Variants in LYG1 observed in about 807,000 individuals in gnomAD.
The protein encoded by LYG1 is lysozyme g-like protein 1.
LYG1 carries 17 observed loss-of-function variants against 21.7 expected under a neutral mutation model. The ratio of observed to expected loss-of-function variants is 0.78; its 90% CI spans 0.54 to 1.18. The LOEUF (loss-of-function observed/expected upper bound fraction) is 1.18, where lower values mean the gene tolerates loss of function less well. LYG1 is among the 50% of genes most tolerant of loss of function. The pLI, the probability that LYG1 is intolerant of heterozygous loss-of-function variation, is 0.00. For synonymous variants in LYG1, 81 were observed against 87.4 expected (o/e 0.93, Z 0.41); for missense variants, 211 against 238.1 (o/e 0.89, Z 0.75).
At chr2:99,286,408 T>G (rs955493688) in intron 5 of LYG1, among the ~76,000 whole-genome samples, 19 of 152,036 alleles carry the variant, frequency 1.2e-4, no homozygotes, top group African/African-American at 4.6e-4. Context: ...AAAATTAAAA[T>G]TAGAACTACC....
At chr2:99,288,972 C>T (rs2094110553) in intron 5 of LYG1, among the ~76,000 whole-genome samples, 1 of 152,156 alleles carries the variant, frequency 6.6e-6, no homozygotes, top group African/African-American at 2.4e-5. Context: ...ATTGACCAAA[C>T]CTATACCCTG....
At chr2:99,299,298 T>TTTA (rs2094147081) in intron 1 of LYG1, among the ~76,000 whole-genome samples, 1 of 150,626 alleles carries the variant, frequency 6.6e-6, no homozygotes, top group Non-Finnish European at 1.5e-5. Flanking sequence ...TTTTTTTTTT[T>TTTA]TTAATCGAGA....
chr2:99,287,091 GT>G (rs2094102449), intron 5 of LYG1, among the ~76,000 whole-genome samples: 1 of 152,210 alleles, frequency 6.6e-6, no homozygotes, highest in African/African-American at 2.4e-5. Flanking sequence ...TAGAATGATG[GT>G]TGCCAGGGGC....
chr2:99,292,522 A>C lies in LYG1; in HGVS notation c.148+14T>G. 1.3e-6 allele frequency: 2 copies of C among 1,596,794 alleles called. No homozygotes were observed. The highest frequency in any genetic ancestry group is 1.7e-6 in the Non-Finnish European group (2 of 1,164,298). ...GCCGGGGGATAGGTTGAGAGGGCGA[A>C]AGCTCATAGCTACCACAGTAGTTCA... On this transcript the variant is annotated intron_variant, in intron 4 of 6. Transcript: ENST00000308528.
intron 5 of LYG1, among the ~76,000 whole-genome samples, chr2:99,290,261 C>A (rs908504266): frequency 6.6e-6 from 1 of 152,138 alleles, no homozygotes; most frequent in Non-Finnish European, 1.5e-5. Flanking sequence ...AGAAATGATG[C>A]CAGCCCTAAC....
chr2:99,297,318 G>C (rs187681714), intron 2 of LYG1, among the ~76,000 whole-genome samples: 6 of 152,292 alleles, frequency 3.9e-5, no homozygotes, highest in Admixed American at 3.9e-4. Context: ...AGAAAAGAAT[G>C]GACAAAGAGC....
chr2:99,295,470 C>G (rs2094133665), intron 3 of LYG1, among the ~76,000 whole-genome samples, 158 bp downstream of exon 3: 1 of 152,146 alleles, frequency 6.6e-6, no homozygotes, highest in Admixed American at 6.6e-5. Flanking sequence ...TGGGGAGAGG[C>G]TGATTGTTGG....
intron 3 of LYG1, among the ~76,000 whole-genome samples, chr2:99,294,793 G>C (rs2094131581): frequency 6.6e-6 from 1 of 152,134 alleles, no homozygotes; most frequent in South Asian, 2.1e-4. Context: ...TTCTCCTGAG[G>C]AACTTTGCTT....
At chr2:99,288,114 GTAA>G (rs1401451553) in intron 5 of LYG1, among the ~76,000 whole-genome samples, 1 of 152,034 alleles carries the variant, frequency 6.6e-6, no homozygotes, top group Non-Finnish European at 1.5e-5. Flanking sequence ...TATTATTATA[GTAA>G]TAATAATTTA....
upstream of LYG1, among the ~76,000 whole-genome samples, chr2:99,303,988 A>G (rs11892472): frequency 0.37 from 56,361 of 152,030 alleles, 11,199 homozygotes; most frequent in East Asian, 0.63. Flanking sequence ...TGGCTAACAC[A>G]GTGAAACCCC....
chr2:99,300,076 A>G (rs1290013395), intron 1 of LYG1, among the ~76,000 whole-genome samples: 1 of 132,172 alleles, frequency 7.6e-6, no homozygotes, highest in African/African-American at 2.6e-5. Flanking sequence ...TTCTGCCACT[A>G]AGATCTTTTT....
chr2:99,301,365 T>C (rs2094153332), upstream of LYG1, among the ~76,000 whole-genome samples: 1 of 148,626 alleles, frequency 6.7e-6, no homozygotes, highest in Admixed American at 6.9e-5. Context: ...TTTCTGGGAA[T>C]GTGGGTTAGG....
At chr2:99,303,850 A>G (rs979967155), upstream of LYG1, among the ~76,000 whole-genome samples, 1 of 151,284 alleles carries the variant, frequency 6.6e-6, no homozygotes, top group Non-Finnish European at 1.5e-5. Context: ...GGTAGTGAAT[A>G]AGTCTCAAGA....
intron 5 of LYG1, among the ~76,000 whole-genome samples, chr2:99,289,427 G>A (rs2094112100): frequency 6.7e-6 from 1 of 148,900 alleles, no homozygotes; most frequent in African/African-American, 2.5e-5. Flanking sequence ...CTATACTCCA[G>A]CCTGGGTGAC....
intron 5 of LYG1, among the ~76,000 whole-genome samples, chr2:99,285,793 C>T (rs565135525): frequency 7.9e-5 from 12 of 152,264 alleles, no homozygotes; most frequent in South Asian, 6.2e-4. Flanking sequence ...TTCTTCTGTG[C>T]GGCAAAGTCA....
At chr2:99,285,297 A>G (rs904304533) in intron 5 of LYG1, among the ~76,000 whole-genome samples, 2 of 151,978 alleles carry the variant, frequency 1.3e-5, no homozygotes, top group African/African-American at 2.4e-5. Context: ...AAGAGGATCA[A>G]TTGAGCCTGG....
chr2:99,291,318 G>A lies in LYG1; in HGVS notation c.252C>T (p.Ala84=), dbSNP rs751042847. 5.0e-6 allele frequency: 8 copies of A among 1,613,502 alleles called. No homozygotes were observed. Among genetic ancestry groups the A allele is most frequent in the South Asian group, 4.4e-5 (4 of 91,064 alleles). Residue 84 remains alanine, a synonymous_variant, in exon 5 of 7, where the codon GCC becomes GCT. Transcript: ENST00000308528. ...TIGQKYCMDP[A]VIAGVLSRKS... ...TCCTGGACAAGACACCAGCGATCAC[G>A]GCAGGATCCATGCAGTACTTTTGGC... is the stretch of plus-strand genomic sequence containing the variant.
intron 2 of LYG1, among the ~76,000 whole-genome samples, chr2:99,298,166 T>A (rs2094142501): frequency 6.6e-6 from 1 of 152,128 alleles, no homozygotes; most frequent in Non-Finnish European, 1.5e-5. Flanking sequence ...GCTCAAAGAG[T>A]GTCTGTCAGT....
upstream of LYG1, chr2:99,304,605 T>G (rs780381778): frequency 6.6e-6 from 1 of 152,324 alleles, no homozygotes; most frequent in Non-Finnish European, 1.5e-5. Flanking sequence ...AGGATGGTAC[T>G]AAGTCTGGAA....
Sources: gnomAD v4.1 joint callset for allele counts (sites outside exome capture counted in the v4.1 genomes callset) on GRCh38, gnomAD v4.1.1 for gene constraint, MANE v1.5 for transcripts, NCBI Gene and HGNC (gene_info 2026-07-23, HGNC 2026-07-21) for gene names.